The following PDE10A variants were observed in gnomAD, a reference collection of about 807,000 sequenced individuals.
PDE10A encodes the protein phosphodiesterase 10A.
Under a neutral mutation model 97.7 loss-of-function variants are expected in PDE10A, and 39 were observed. The observed-to-expected ratio is 0.40, with a 90% CI of 0.31 to 0.52. The LOEUF (loss-of-function observed/expected upper bound fraction) is 0.52, where lower values mean the gene tolerates loss of function less well. PDE10A is among the 20% of genes least tolerant of loss of function. PDE10A has a pLI of 0.56. For missense variants in PDE10A, 731 were observed against 1,047.8 expected, an observed-to-expected ratio of 0.70 and a Z score of 4.17; for synonymous variants, 371 against 376.8, an observed-to-expected ratio of 0.98 and a Z score of 0.18.
chr6:165,840,096 A>G (rs960133004), intron 1 of PDE10A, among the ~76,000 whole-genome samples: 1 of 8,774 alleles, frequency 1.1e-4, no homozygotes, highest in African/African-American at 4.8e-4. Flanking sequence ...CCCCATCCCC[A>G]TTCCCATCTC....
chr6:165,534,549 A>G (rs1782963888), intron 2 of PDE10A, among the ~76,000 whole-genome samples: 1 of 152,134 alleles, frequency 6.6e-6, no homozygotes, highest in Admixed American at 6.6e-5. Context: ...AAAATCTTCA[A>G]CAAAATACTA....
rs1778841960 is a variant in PDE10A at position 165,796,729 on chromosome 6, C to T, written c.-615+190800G>A. ...GCTTTTATTTTTTGTTATTCCAAAC[C>T]AAGACCCAATCCAGGTGCATGCACT... On this transcript the variant is annotated intron_variant, in intron 1 of 19. Transcript: ENST00000366882. Among the ~76,000 whole-genome samples, 3 of 152,030 alleles carry T rather than the reference C, an allele frequency of 2.0e-5. No individual in the cohort carries two copies. In the South Asian group the frequency reaches 6.2e-4, roughly 32 times the overall value.
At chr6:165,975,147 G>T (rs558504956) in intron 1 of PDE10A, among the ~76,000 whole-genome samples, 1 of 152,160 alleles carries the variant, frequency 6.6e-6, no homozygotes, top group Admixed American at 6.5e-5. Context: ...CTGATAAACC[G>T]CCTTTCACTT....
intron 1 of PDE10A, among the ~76,000 whole-genome samples, chr6:165,973,367 C>T (rs545529908): frequency 1.5e-3 from 224 of 151,448 alleles, no homozygotes; most frequent in African/African-American, 5.1e-3. Flanking sequence ...GAGCCAAGAC[C>T]GCATCATTGC....
intron 1 of PDE10A, among the ~76,000 whole-genome samples, chr6:165,578,524 A>T (rs1480659028): frequency 6.6e-6 from 1 of 152,210 alleles, no homozygotes; most frequent in African/African-American, 2.4e-5. Flanking sequence ...TGAAAAACAG[A>T]GTATGGAAGC....
intron 1 of PDE10A, among the ~76,000 whole-genome samples, chr6:165,587,373 G>C (rs534895369): frequency 6.6e-6 from 1 of 152,134 alleles, no homozygotes; most frequent in African/African-American, 2.4e-5. Flanking sequence ...AATTTAATAC[G>C]TGTCTCATGC....
intron 1 of PDE10A, among the ~76,000 whole-genome samples, chr6:165,848,838 G>A (rs569676540): frequency 6.0e-4 from 91 of 152,320 alleles, no homozygotes; most frequent in African/African-American, 1.7e-3. Flanking sequence ...TCCCAGGGGG[G>A]CCCCACGGGA....
chr6:165,425,783 G>GTGTGTGTA (rs1789096890), intron 10 of PDE10A, among the ~76,000 whole-genome samples: 1 of 151,550 alleles, frequency 6.6e-6, no homozygotes, highest in Non-Finnish European at 1.5e-5. Context: ...GTGTGTGTGT[G>GTGTGTGTA]TGTGTGTGTG....
intron 17 of PDE10A, among the ~76,000 whole-genome samples, chr6:165,380,207 T>C (rs1042057979): frequency 6.6e-6 from 1 of 152,264 alleles, no homozygotes; most frequent in Non-Finnish European, 1.5e-5. Context: ...ATGCAGTCAA[T>C]TTGCAGATTC....
At chr6:165,575,806 A>G (rs1205321089) in intron 1 of PDE10A, among the ~76,000 whole-genome samples, 1 of 152,214 alleles carries the variant, frequency 6.6e-6, no homozygotes, top group Non-Finnish European at 1.5e-5. Context: ...GGTTAAACCA[A>G]CTTTCCAAAT....
At chr6:165,521,249 C>T (rs1782112619) in intron 2 of PDE10A, among the ~76,000 whole-genome samples, 1 of 152,062 alleles carries the variant, frequency 6.6e-6, no homozygotes, top group African/African-American at 2.4e-5. Flanking sequence ...ACTGGCTGTT[C>T]CCCGATCTCT....
Position 165,431,453 on chromosome 6 carries a change from G to T in PDE10A, c.1511C>A (p.Ala504Asp). 1 of 1,596,976 alleles carries T rather than the reference G, an allele frequency of 6.3e-7. No homozygotes were observed. The highest frequency in any genetic ancestry group is 8.5e-7 in the Non-Finnish European group (1 of 1,170,256). Residue 504 changes from alanine (A) to aspartate (D), a missense_variant, in exon 8 of 22, where the codon GCC becomes GAC. By Grantham distance (126) the Ala-to-Asp change is moderately radical. Around this residue, in one of 8 missense-constraint regions of PDE10A, gnomAD observed 152 missense variants for 199.3 expected, o/e 0.76. Coordinates refer to ENST00000539869, the MANE Select transcript of PDE10A (RefSeq NM_001385079.1). Reference protein sequence around the residue: ...SHQEVATANLAWASVAIHQVQ... With the variant: ...SHQEVATANLDWASVAIHQVQ... The stretch of plus-strand genomic sequence containing the variant: ...CTGATGTATTGCTACTGAAGCCCAG[G>T]CAAGATTTGCTGTTGCAACCTAAAA...
chr6:165,412,565 A>G (rs555050175), intron 13 of PDE10A, among the ~76,000 whole-genome samples: 4 of 152,286 alleles, frequency 2.6e-5, no homozygotes, highest in African/African-American at 7.2e-5. Flanking sequence ...CTGTCCCCCA[A>G]AAGGGCACCA....
intron 1 of PDE10A, among the ~76,000 whole-genome samples, chr6:165,821,656 T>G (rs1779574460): frequency 6.6e-6 from 1 of 152,134 alleles, no homozygotes; most frequent in South Asian, 2.1e-4. Context: ...GTAGCTGGTA[T>G]TACAGGCGTG....
chr6:165,575,238 C>A (rs532814185), intron 1 of PDE10A, among the ~76,000 whole-genome samples: 3 of 152,326 alleles, frequency 2.0e-5, no homozygotes, highest in South Asian at 2.1e-4. Flanking sequence ...ACCTGCATTT[C>A]TAACTGGTTA....
At chr6:165,633,387 C>CTATAGTTAATG (rs1279617475) in intron 1 of PDE10A, among the ~76,000 whole-genome samples, 2 of 152,244 alleles carry the variant, frequency 1.3e-5, no homozygotes, top group East Asian at 3.9e-4. Flanking sequence ...TAAAGATATC[C>CTATAGTTAATG]TATACATTAA....
intron 1 of PDE10A, among the ~76,000 whole-genome samples, chr6:165,871,643 T>C (rs1247809766): frequency 1.3e-5 from 2 of 152,136 alleles, no homozygotes; most frequent in Non-Finnish European, 2.9e-5. Flanking sequence ...CTGGCGAAAG[T>C]CAAGTTTATG....
chr6:165,447,502 G>A (rs969315665), intron 5 of PDE10A, among the ~76,000 whole-genome samples: 12 of 152,182 alleles, frequency 7.9e-5, no homozygotes, highest in Non-Finnish European at 1.5e-4. Flanking sequence ...CTCAGAAGGA[G>A]TAATGTGACG....
At chr6:165,567,528 G>A (rs1784833286) in intron 1 of PDE10A, among the ~76,000 whole-genome samples, 1 of 152,126 alleles carries the variant, frequency 6.6e-6, no homozygotes. Flanking sequence ...ACTGCTAATA[G>A]TGCCTTTTCT....
Sources: allele counts gnomAD v4.1 joint callset (sites outside exome capture counted in the v4.1 genomes callset), GRCh38; gene constraint gnomAD v4.1.1; regional missense constraint gnomAD v4.1.1; transcripts MANE v1.5; gene names NCBI Gene and HGNC (gene_info 2026-07-23, HGNC 2026-07-21).